The following ARB2A variants were observed in gnomAD, a reference collection of about 807,000 sequenced individuals.
ARB2A encodes the protein cotranscriptional regulator ARB2A.
the ARB2A span, among the ~76,000 whole-genome samples, chr5:93,653,511 C>CA: frequency 9.0e-3 from 283 of 31,428 alleles, 64 homozygotes; most frequent in South Asian, 0.013. Context: ...GACTCCGTCT[C>CA]AAAAAAAAAA....
chr5:93,720,684 G>C, the ARB2A span, among the ~76,000 whole-genome samples: 1 of 152,218 alleles, frequency 6.6e-6, no homozygotes, highest in African/African-American at 2.4e-5. Context: ...AAGGTAGTGA[G>C]TTGGTTAAAA....
chr5:93,678,113 G>A, the ARB2A span, among the ~76,000 whole-genome samples: 1 of 152,202 alleles, frequency 6.6e-6, no homozygotes, highest in African/African-American at 2.4e-5. Context: ...GAAATTCACT[G>A]ATAAGGGATG....
the ARB2A span, among the ~76,000 whole-genome samples, chr5:93,837,583 C>T: frequency 2.0e-5 from 3 of 151,974 alleles, no homozygotes; most frequent in Non-Finnish European, 4.4e-5. Context: ...TTTTTGAAAG[C>T]ACACTGCTTT....
the ARB2A span, among the ~76,000 whole-genome samples, chr5:93,695,511 C>A: frequency 2.0e-5 from 3 of 151,974 alleles, no homozygotes; most frequent in Non-Finnish European, 4.4e-5. Context: ...GTTAGAATGG[C>A]GATCATTAAA....
At chr5:93,628,692 A>G in the ARB2A span, among the ~76,000 whole-genome samples, 1 of 152,114 alleles carries the variant, frequency 6.6e-6, no homozygotes, top group African/African-American at 2.4e-5. Context: ...CTTTCCTTAA[A>G]TCTCATGAAC....
chr5:93,917,589 AAC>A, the ARB2A span, among the ~76,000 whole-genome samples: 1 of 152,164 alleles, frequency 6.6e-6, no homozygotes. Context: ...CAACATAAAA[AAC>A]AGTGGGCCAG....
chr5:93,683,386 A>G, the ARB2A span: 1 of 1,602,836 alleles, frequency 6.2e-7, no homozygotes, highest in Non-Finnish European at 8.5e-7. Context: ...GCTGTCCACT[A>G]ATATGCACTG....
the ARB2A span, among the ~76,000 whole-genome samples, chr5:93,841,896 A>G: frequency 6.6e-6 from 1 of 152,170 alleles, no homozygotes; most frequent in Admixed American, 6.6e-5. Context: ...GTGAAAATGA[A>G]GGAGTCTGTT....
the ARB2A span, among the ~76,000 whole-genome samples, chr5:93,813,046 G>A: frequency 6.6e-6 from 1 of 152,106 alleles, no homozygotes; most frequent in East Asian, 1.9e-4. Context: ...AAACCAAGAA[G>A]GCCCTCAATG....
At chr5:93,870,848 T>C in the ARB2A span, among the ~76,000 whole-genome samples, 2 of 152,208 alleles carry the variant, frequency 1.3e-5, no homozygotes, top group Non-Finnish European at 1.5e-5. Flanking sequence ...TTATGAGTGA[T>C]GAAATGAAGG....
chr5:93,762,901 A>G, the ARB2A span, among the ~76,000 whole-genome samples: 8 of 152,248 alleles, frequency 5.3e-5, no homozygotes, highest in African/African-American at 1.7e-4. Context: ...AATATTCAAC[A>G]TTCTTAAAGA....
chr5:93,776,051 C>G, the ARB2A span: 1 of 886,658 alleles, frequency 1.1e-6, no homozygotes, highest in Non-Finnish European at 1.7e-6. Context: ...CATCTAACAA[C>G]TCAAAGATAA....
chr5:93,944,227 AT>A, the ARB2A span, among the ~76,000 whole-genome samples: 58 of 152,356 alleles, frequency 3.8e-4, no homozygotes, highest in South Asian at 0.011. Context: ...GGTTAAAAAA[AT>A]ATTTAATTAA....
chr5:93,744,434 C>CAAAAAAAAAAAAAAAAAAAAAA, the ARB2A span, among the ~76,000 whole-genome samples: 1 of 14,534 alleles, frequency 6.9e-5, no homozygotes, highest in Non-Finnish European at 1.3e-4. Flanking sequence ...GACTCAGTCT[C>CAAAAAAAAAAAAAAAAAAAAAA]AAAAAAAAAA....
chr5:93,764,204 A>G, the ARB2A span, among the ~76,000 whole-genome samples: 5 of 152,340 alleles, frequency 3.3e-5, no homozygotes, highest in Non-Finnish European at 7.4e-5. Flanking sequence ...AAATCAGAGC[A>G]GAACTGAAGT....
At chr5:93,961,071 A>C in the ARB2A span, among the ~76,000 whole-genome samples, 2 of 152,166 alleles carry the variant, frequency 1.3e-5, no homozygotes, top group African/African-American at 4.8e-5. Context: ...GAACAAAATA[A>C]AAAAATTGAA....
At chr5:94,107,521 T>G in the ARB2A span, among the ~76,000 whole-genome samples, 1 of 147,820 alleles carries the variant, frequency 6.8e-6, no homozygotes, top group African/African-American at 2.5e-5. Context: ...GTACAAAACA[T>G]TCAATAGTTA....
the ARB2A span, among the ~76,000 whole-genome samples, chr5:93,991,565 G>A: frequency 6.6e-6 from 1 of 151,244 alleles, no homozygotes; most frequent in Non-Finnish European, 1.5e-5. Flanking sequence ...AAAGCATAAT[G>A]AGAAAAGAAA....
At chr5:93,798,143 T>C in the ARB2A span, among the ~76,000 whole-genome samples, 1 of 152,104 alleles carries the variant, frequency 6.6e-6, no homozygotes, top group South Asian at 2.1e-4. Context: ...TGAGTTTCCA[T>C]AGTTCTGATT....
Sources: gnomAD v4.1 joint callset for allele counts (sites outside exome capture counted in the v4.1 genomes callset) on GRCh38, gnomAD v4.1.1 for gene constraint, MANE v1.5 for transcripts, NCBI Gene and HGNC (gene_info 2026-07-23, HGNC 2026-07-21) for gene names.